APBB2: variants seen among roughly 807,000 people sequenced by gnomAD.
APBB2 encodes the protein amyloid beta precursor protein binding family B member 2.
In APBB2, 38 loss-of-function variants were observed where a neutral mutation model predicts 82.5. That is an observed-to-expected ratio of 0.46 (90% CI 0.36 to 0.60). The LOEUF (loss-of-function observed/expected upper bound fraction) is 0.60. Among genes scored for constraint, APBB2 ranks in the 20% least tolerant of loss-of-function variants. The pLI, the probability that APBB2 is intolerant of heterozygous loss-of-function variation, is 0.00. For synonymous variants in APBB2, 341 were observed against 368.2 expected (o/e 0.93, Z 0.85); for missense variants, 772 against 972.3 (o/e 0.79, Z 2.74).
intron 3 of APBB2, among the ~76,000 whole-genome samples, chr4:41,082,630 T>C (rs1407062253): frequency 2.6e-5 from 4 of 151,322 alleles, no homozygotes; most frequent in African/African-American, 9.7e-5. Context: ...TGAAGTACAA[T>C]GACACAATCA....
chr4:40,988,302 G>A (rs989911401), intron 6 of APBB2, among the ~76,000 whole-genome samples: 1 of 152,176 alleles, frequency 6.6e-6, no homozygotes, highest in African/African-American at 2.4e-5. Flanking sequence ...GTTAATTAAA[G>A]TTTACTACTT....
intron 10 of APBB2, among the ~76,000 whole-genome samples, chr4:40,897,362 G>C (rs183307383): frequency 7.2e-5 from 11 of 152,138 alleles, no homozygotes; most frequent in Admixed American, 2.0e-4. Flanking sequence ...AAATTAGCCA[G>C]GTGTGGTGGC....
At chr4:41,151,842 T>C (rs989819500) in intron 1 of APBB2, among the ~76,000 whole-genome samples, 3 of 152,016 alleles carry the variant, frequency 2.0e-5, no homozygotes, top group African/African-American at 7.2e-5. Flanking sequence ...TATGTTGTGC[T>C]TCCCTTATCG....
intron 1 of APBB2, among the ~76,000 whole-genome samples, chr4:41,143,362 G>C (rs982160298): frequency 6.6e-6 from 1 of 152,232 alleles, no homozygotes; most frequent in African/African-American, 2.4e-5. Flanking sequence ...GTTTGGCCTA[G>C]TGATTATGCT....
At chr4:41,044,399 T>C (rs1195559695) in intron 4 of APBB2, among the ~76,000 whole-genome samples, 2 of 152,226 alleles carry the variant, frequency 1.3e-5, no homozygotes, top group Non-Finnish European at 1.5e-5. Flanking sequence ...CATTCTGACA[T>C]GCCCTAATAA....
intron 1 of APBB2, among the ~76,000 whole-genome samples, chr4:41,147,483 T>C (rs575536072): frequency 0.029 from 3,854 of 132,058 alleles, 84 homozygotes; most frequent in African/African-American, 0.071. Flanking sequence ...TTGGCCAGCT[T>C]TTTTTTTTTT....
intron 4 of APBB2, among the ~76,000 whole-genome samples, chr4:41,036,640 C>CA (rs55655065): frequency 6.6e-6 from 1 of 152,156 alleles, no homozygotes; most frequent in Non-Finnish European, 1.5e-5. Context: ...GAAAATGCAA[C>CA]AAAAAACCAC....
intron 6 of APBB2, among the ~76,000 whole-genome samples, chr4:40,953,358 G>T (rs556616634): frequency 1.3e-5 from 2 of 151,622 alleles, no homozygotes; most frequent in African/African-American, 4.8e-5. Flanking sequence ...ACAGCATTGG[G>T]AAATTAGAAG....
In APBB2 at chr4:40,827,160, G is replaced by A; in HGVS notation, c.1704C>T (p.Ala568=). The A allele has an allele frequency of 6.2e-7, 1 of 1,614,178 alleles. No individual in the cohort carries two copies. Among genetic ancestry groups the A allele is most frequent in the East Asian group, 2.2e-5 (1 of 44,874 alleles). ...GCAAAGGGACATCGAGGTTCACATT[G>A]GCCCTTTCCTGTAAGGAGCTGCAGG... ...ALACSSLQER[A]NVNLDVPLQV... Residue 568 remains alanine, a synonymous_variant, in exon 14 of 18, where the codon GCC becomes GCT. Transcript: ENST00000508593.
chr4:41,185,043 C>T (rs1580702262), intron 1 of APBB2, among the ~76,000 whole-genome samples: 2 of 152,336 alleles, frequency 1.3e-5, no homozygotes, highest in African/African-American at 4.8e-5. Context: ...TGTAATCTTA[C>T]TGAGGGCAGG....
intron 4 of APBB2, among the ~76,000 whole-genome samples, chr4:41,054,450 T>A (rs1025766507): frequency 4.6e-5 from 7 of 152,150 alleles, no homozygotes; most frequent in African/African-American, 1.2e-4. Flanking sequence ...TGAATTAAAC[T>A]ATAGCCCTAT....
intron 6 of APBB2, among the ~76,000 whole-genome samples, chr4:40,955,858 CT>C (rs577130610): frequency 6.6e-5 from 10 of 152,202 alleles, no homozygotes; most frequent in Admixed American, 3.3e-4. Flanking sequence ...TCAATGCAAC[CT>C]CCACATCCTG....
intron 2 of APBB2, among the ~76,000 whole-genome samples, chr4:41,122,776 A>G (rs1329549566): frequency 6.6e-6 from 1 of 152,210 alleles, no homozygotes; most frequent in African/African-American, 2.4e-5. Flanking sequence ...AGATCAAGTT[A>G]GTTCTTTGCT....
intron 12 of APBB2, among the ~76,000 whole-genome samples, chr4:40,886,290 C>T (rs1770238413): frequency 6.6e-6 from 1 of 152,164 alleles, no homozygotes; most frequent in African/African-American, 2.4e-5. Context: ...ACCAGCCTGG[C>T]CAACATGGTG....
chr4:41,047,107 T>A (rs1021360702), intron 4 of APBB2, among the ~76,000 whole-genome samples: 6 of 152,200 alleles, frequency 3.9e-5, no homozygotes. Flanking sequence ...GCTCCATTGC[T>A]AGATATAAAG....
intron 1 of APBB2, among the ~76,000 whole-genome samples, chr4:41,153,598 T>C (rs755481517): frequency 2.0e-5 from 3 of 152,162 alleles, no homozygotes; most frequent in Non-Finnish European, 4.4e-5. Context: ...AGTACAATCT[T>C]AATCTTCAAG....
At position 40,943,588 on chromosome 4, in the gene APBB2, G is replaced by T. The variant is rs147545644; in HGVS notation, c.1044+1277C>A. ...CCATACCAAACTCCTTGAGGGCTGAGACGGTGTTGGTTCATCTTTATCCCC... is the reference window on the plus strand; with the variant it reads ...CCATACCAAACTCCTTGAGGGCTGATACGGTGTTGGTTCATCTTTATCCCC... On this transcript the variant is annotated intron_variant, in intron 7 of 17. Transcript: ENST00000508593. Among the ~76,000 whole-genome samples the T allele has an allele frequency of 6.9e-3, 1,056 of 152,354 alleles. 21 individuals carry two copies. Among genetic ancestry groups the T allele is most frequent in the African/African-American group, 0.024 (1,007 of 41,564 alleles).
chr4:41,165,805 G>C (rs1195250119), intron 1 of APBB2, among the ~76,000 whole-genome samples: 2 of 151,460 alleles, frequency 1.3e-5, no homozygotes, highest in Non-Finnish European at 2.9e-5. Context: ...ACTGAAGCAA[G>C]TACACGAACC....
chr4:40,940,358 G>C (rs1373736483), intron 7 of APBB2, among the ~76,000 whole-genome samples: 1 of 152,140 alleles, frequency 6.6e-6, no homozygotes, highest in East Asian at 1.9e-4. Flanking sequence ...CTTATGCAAA[G>C]GTTCCCAGGC....
Sources: allele counts gnomAD v4.1 joint callset (sites outside exome capture counted in the v4.1 genomes callset), GRCh38; gene constraint gnomAD v4.1.1; transcripts MANE v1.5; gene names NCBI Gene and HGNC (gene_info 2026-07-23, HGNC 2026-07-21).